Variants in AKAP6 observed in about 807,000 individuals in gnomAD.
The protein encoded by AKAP6 is A-kinase anchor protein 6.
In AKAP6, 58 loss-of-function variants were observed where a neutral mutation model predicts 188.5. That is an observed-to-expected ratio of 0.31 (90% CI 0.25 to 0.38). The LOEUF (loss-of-function observed/expected upper bound fraction) is 0.38. AKAP6 is among the 10% of genes least tolerant of loss of function. The pLI, the probability that AKAP6 is intolerant of heterozygous loss-of-function variation, is 1.00. For synonymous variants in AKAP6, 989 were observed against 998.6 expected (o/e 0.99, Z 0.18); for missense variants, 2,710 against 2,740.0 (o/e 0.99, Z 0.24).
intron 2 of AKAP6, among the ~76,000 whole-genome samples, chr14:32,448,387 T>A (rs1890828513): frequency 6.6e-6 from 1 of 152,212 alleles, no homozygotes. Flanking sequence ...ATTTCTCAAG[T>A]CCTTTACTCT....
At chr14:32,587,444 A>C (rs1039412927) in intron 5 of AKAP6, among the ~76,000 whole-genome samples, 4 of 152,182 alleles carry the variant, frequency 2.6e-5, no homozygotes, top group Non-Finnish European at 4.4e-5. Context: ...TTTGGATTCC[A>C]GTTCTGGAAA....
At chr14:32,788,511 T>C (rs970437054) in intron 12 of AKAP6, among the ~76,000 whole-genome samples, 1 of 152,026 alleles carries the variant, frequency 6.6e-6, no homozygotes, top group Non-Finnish European at 1.5e-5. Flanking sequence ...CCATGCAGAA[T>C]GAAGAAAAGC....
chr14:32,701,076 C>T (rs1463842605), intron 9 of AKAP6, among the ~76,000 whole-genome samples: 2 of 152,000 alleles, frequency 1.3e-5, no homozygotes, highest in African/African-American at 4.8e-5. Flanking sequence ...CCAAACATGT[C>T]CTCTGTGTAA....
At chr14:32,623,687 G>C (rs1467130569) in intron 7 of AKAP6, among the ~76,000 whole-genome samples, 1 of 152,184 alleles carries the variant, frequency 6.6e-6, no homozygotes, top group Admixed American at 6.6e-5. Flanking sequence ...TGCAGTTAGA[G>C]AAGACTCAGA....
chr14:32,598,018 C>T (rs1161895814), intron 5 of AKAP6, among the ~76,000 whole-genome samples: 1 of 152,148 alleles, frequency 6.6e-6, no homozygotes, highest in Non-Finnish European at 1.5e-5. Flanking sequence ...CCTTTGGGGC[C>T]AGAGGCCGTG....
chr14:32,498,307 A>G (rs1880431555), intron 2 of AKAP6, among the ~76,000 whole-genome samples: 1 of 149,984 alleles, frequency 6.7e-6, no homozygotes, highest in Non-Finnish European at 1.5e-5. Context: ...CTGAATATAT[A>G]ACAATTAATG....
chr14:32,594,952 C>T (rs1464354454), intron 5 of AKAP6, among the ~76,000 whole-genome samples: 1 of 152,144 alleles, frequency 6.6e-6, no homozygotes, highest in Admixed American at 6.5e-5. Flanking sequence ...ATCATCAGAA[C>T]AGCCAAAGAA....
intron 7 of AKAP6, among the ~76,000 whole-genome samples, chr14:32,615,478 C>A (rs911905351): frequency 1.3e-5 from 2 of 150,046 alleles, no homozygotes; most frequent in Admixed American, 6.7e-5. Context: ...AAAACAAATT[C>A]TCTCTTAATG....
At chr14:32,693,914 C>T (rs997797708) in intron 8 of AKAP6, among the ~76,000 whole-genome samples, 4 of 152,026 alleles carry the variant, frequency 2.6e-5, no homozygotes, top group African/African-American at 9.7e-5. Flanking sequence ...ATTAGTTATT[C>T]CTTATTAGTC....
intron 4 of AKAP6, among the ~76,000 whole-genome samples, chr14:32,547,287 C>T (rs1434660028): frequency 6.6e-6 from 1 of 152,082 alleles, no homozygotes; most frequent in Non-Finnish European, 1.5e-5. Context: ...TGCTGGAACC[C>T]CTTGGATCTA....
intron 11 of AKAP6, among the ~76,000 whole-genome samples, chr14:32,761,965 A>G (rs1313761122): frequency 6.6e-6 from 1 of 152,162 alleles, no homozygotes; most frequent in Non-Finnish European, 1.5e-5. Context: ...GAATCAATAA[A>G]AGATAAAAAG....
intron 8 of AKAP6, among the ~76,000 whole-genome samples, chr14:32,682,995 C>CTTTTTTTTTTTTTTGTTTTTG (rs71115090): frequency 2.1e-4 from 30 of 142,328 alleles, no homozygotes; most frequent in South Asian, 4.5e-4. Flanking sequence ...TTTTTTCTTC[C>CTTTTTTTTTTTTTTGTTTTTG]TTTTTTTTTT....
chr14:32,391,604 C>T (rs1461968601), intron 1 of AKAP6, among the ~76,000 whole-genome samples: 1 of 152,198 alleles, frequency 6.6e-6, no homozygotes, highest in Non-Finnish European at 1.5e-5. Flanking sequence ...TCATGGTTAA[C>T]ACCATCTCCC....
intron 1 of AKAP6, among the ~76,000 whole-genome samples, chr14:32,348,134 G>A (rs1887128332): frequency 6.6e-6 from 1 of 152,152 alleles, no homozygotes; most frequent in African/African-American, 2.4e-5. Context: ...GACCATGCCA[G>A]GAGCAAAAGT....
chr14:32,826,514 C>T (rs934989971), intron 13 of AKAP6, among the ~76,000 whole-genome samples: 1 of 152,122 alleles, frequency 6.6e-6, no homozygotes, highest in African/African-American at 2.4e-5. Flanking sequence ...ATTTTGTTTT[C>T]TGAAAGGGGA....
chr14:32,741,819 GTTT>G (rs34015837), intron 11 of AKAP6, among the ~76,000 whole-genome samples: 4,669 of 70,324 alleles, frequency 0.066, 184 homozygotes, highest in East Asian at 0.32. Flanking sequence ...TAGCCTGTAG[GTTT>G]TTTTTTTTTT....
At chr14:32,742,539 G>A (rs2031725097) in intron 11 of AKAP6, among the ~76,000 whole-genome samples, 1 of 151,798 alleles carries the variant, frequency 6.6e-6, no homozygotes, top group Non-Finnish European at 1.5e-5. Context: ...TGCTTTTACT[G>A]TATCCCATAG....
intron 2 of AKAP6, among the ~76,000 whole-genome samples, chr14:32,488,607 A>G (rs1181613594): frequency 1.3e-5 from 2 of 152,120 alleles, no homozygotes; most frequent in Non-Finnish European, 2.9e-5. Context: ...CTAGCTAGGT[A>G]TCTGCTCAAA....
intron 1 of AKAP6, among the ~76,000 whole-genome samples, chr14:32,371,520 T>G (rs1888006808): frequency 6.6e-6 from 1 of 152,180 alleles, no homozygotes; most frequent in African/African-American, 2.4e-5. Flanking sequence ...AGCTGGGGGA[T>G]TGCTTGAGCC....
Sources: gnomAD v4.1 joint callset for allele counts (sites outside exome capture counted in the v4.1 genomes callset) on GRCh38, gnomAD v4.1.1 for gene constraint, MANE v1.5 for transcripts, NCBI Gene and HGNC (gene_info 2026-07-23, HGNC 2026-07-21) for gene names.